GABRA1: variants seen among roughly 807,000 people sequenced by gnomAD.
The protein encoded by GABRA1 is gamma-aminobutyric acid receptor subunit alpha-1.
GABRA1 carries 9 observed loss-of-function variants against 48.9 expected under a neutral mutation model. That is an observed-to-expected ratio of 0.18 (90% CI 0.11 to 0.32). GABRA1 has a LOEUF of 0.32. GABRA1 is among the 10% of genes least tolerant of loss of function. The pLI, the probability that GABRA1 is intolerant of heterozygous loss-of-function variation, is 1.00. For missense variants in GABRA1, 285 were observed against 553.8 expected (o/e 0.51, Z 4.87); for synonymous variants, 210 against 198.7 (o/e 1.06, Z -0.48).
At chr5:161,887,789 A>G (rs533336510) in intron 7 of GABRA1, among the ~76,000 whole-genome samples, 1 of 152,246 alleles carries the variant, frequency 6.6e-6, no homozygotes, top group South Asian at 2.1e-4. Context: ...TAATCTTCAT[A>G]CTGTAAATGT....
chr5:161,894,095 G>C (rs1303964036), intron 8 of GABRA1, among the ~76,000 whole-genome samples: 8 of 152,112 alleles, frequency 5.3e-5, no homozygotes, highest in South Asian at 2.1e-4. Flanking sequence ...AAGGACTAAA[G>C]TTGTCAATTA....
chr5:161,891,939 A>C (rs981024523), intron 8 of GABRA1, among the ~76,000 whole-genome samples: 7 of 152,190 alleles, frequency 4.6e-5, no homozygotes, highest in Non-Finnish European at 8.8e-5. Context: ...CTTAACTATA[A>C]AACAAATTCT....
intron 7 of GABRA1, among the ~76,000 whole-genome samples, chr5:161,885,720 A>T (rs897057227): frequency 2.0e-5 from 3 of 152,214 alleles, no homozygotes; most frequent in Non-Finnish European, 4.4e-5. Context: ...AAGAATATTT[A>T]GTTACAGCCT....
rs1325727344 is a variant in GABRA1, at chr5:161,898,646, C to G, written c.*1224C>G. The stretch of plus-strand genomic sequence containing the variant: ...GTAGACAAAACTTATAATTTCCAAA[C>G]TGTTGTCTAGTATACAGTGATCAGT... On this transcript the variant is annotated 3_prime_UTR_variant, in exon 10 of 10. Transcript: ENST00000393943. 1 of 152,516 alleles carries G rather than the reference C, an allele frequency of 6.6e-6. No homozygotes were observed. The highest frequency in any genetic ancestry group is 2.4e-5 in the African/African-American group (1 of 41,552). The allele number at this position is 152,516 out of a possible 1,614,324, so 9.4% of individuals were successfully genotyped here. A position where few individuals can be genotyped will look rare whatever the true frequency, so the allele number is the denominator to read the frequency against.
Position 161,873,461 on chromosome 5 carries a change from T to A in GABRA1, c.476+124T>A, listed in dbSNP as rs1293091451. The A allele has an allele frequency of 7.5e-6, 6 of 795,706 alleles. No individual in the cohort carries two copies. The East Asian group carries it at 1.6e-4, about 21-fold the overall frequency. The allele number at this position is 795,706 out of a possible 1,614,324, so 49.3% of individuals were successfully genotyped here. A position where few individuals can be genotyped will look rare whatever the true frequency, so the allele number is the denominator to read the frequency against. On this transcript the variant is annotated intron_variant, in intron 5 of 9. Coordinates refer to ENST00000393943, the MANE Select transcript of GABRA1 (RefSeq NM_001127644.2). ...CTTCCTTGTTTTTCAACCTTAACAA[T>A]CTTAAAAATCTCTCCAACCTGTTCT...
intron 3 of GABRA1, among the ~76,000 whole-genome samples, chr5:161,855,313 A>G (rs552691123): frequency 1.3e-5 from 2 of 151,764 alleles, no homozygotes; most frequent in African/African-American, 4.8e-5. Flanking sequence ...TATTTTGCAC[A>G]GTATAATGAC....
rs5872733 is a variant in GABRA1 at position 161,893,048 on chromosome 5, T to TAATAATAA, written c.856+2000_856+2001insTAATAAAA. Reference sequence around the variant, plus strand: ...ATAATAATAATAATAATAATAATAATAAAATAAACACAGGACATATTTATG... The same window carrying TAATAATAA: ...ATAATAATAATAATAATAATAATAATAATAATAAAAAATAAACACAGGACATATTTATG... On this transcript the variant is annotated intron_variant, in intron 8 of 9. Transcript: ENST00000393943. 2.5e-4 allele frequency among the ~76,000 whole-genome samples: 35 copies of TAATAATAA among 142,010 alleles called. 1 individual carries two copies. Among genetic ancestry groups the TAATAATAA allele is most frequent in the African/African-American group, 4.2e-4 (16 of 38,168 alleles). The allele number at this position is 142,010 out of a possible 152,430, so 93.2% of individuals were successfully genotyped here. A position where few individuals can be genotyped will look rare whatever the true frequency, so the allele number is the denominator to read the frequency against.
Position 161,863,751 on chromosome 5 carries a change from C to CT in GABRA1, c.188-1960dup, listed in dbSNP as rs113936281. On this transcript the variant is annotated intron_variant, in intron 3 of 9. Coordinates refer to ENST00000393943, the MANE Select transcript of GABRA1 (RefSeq NM_001127644.2). Reference sequence around the variant, plus strand: ...AGTTTTTTAAACTTATATTTTGAAGCTTTTTTTTTTCTAACAACATAATGT... The same window carrying CT: ...AGTTTTTTAAACTTATATTTTGAAGCTTTTTTTTTTTCTAACAACATAATGT... 5.8e-3 allele frequency among the ~76,000 whole-genome samples: 861 copies of CT among 148,644 alleles called. 5 individuals are homozygous for CT. The highest frequency in any genetic ancestry group is 0.019 in the African/African-American group (765 of 40,546).
intron 3 of GABRA1, among the ~76,000 whole-genome samples, chr5:161,855,038 G>A (rs1369641946): frequency 1.3e-5 from 2 of 151,394 alleles, no homozygotes; most frequent in African/African-American, 2.4e-5. Flanking sequence ...AGTGAAGCAA[G>A]GAAATAAATT....
At chr5:161,891,202 G>T in intron 8 of GABRA1, 152 bp downstream of exon 8, 1 of 737,380 alleles carries the variant, frequency 1.4e-6, no homozygotes, top group Admixed American at 2.4e-5. Context: ...CTCTCATTAT[G>T]GTATATATTT....
chr5:161,864,091 T>G (rs1757962593), intron 3 of GABRA1, among the ~76,000 whole-genome samples: 1 of 151,934 alleles, frequency 6.6e-6, no homozygotes. Flanking sequence ...TAAGGAGGGG[T>G]TTATTTTCAT....
chr5:161,883,692 G>A (rs1754714538), intron 7 of GABRA1, among the ~76,000 whole-genome samples: 1 of 151,990 alleles, frequency 6.6e-6, no homozygotes, highest in South Asian at 2.1e-4. Context: ...AATAAGAGGA[G>A]TGGTGATAAA....
intron 4 of GABRA1, among the ~76,000 whole-genome samples, chr5:161,871,295 A>G (rs895633723): frequency 2.0e-5 from 3 of 152,276 alleles, no homozygotes; most frequent in African/African-American, 7.2e-5. Context: ...GGTCACCTTC[A>G]GCATCCTTGG....
chr5:161,862,496 A>T (rs1469447997), intron 3 of GABRA1, among the ~76,000 whole-genome samples: 1 of 151,572 alleles, frequency 6.6e-6, no homozygotes, highest in Non-Finnish European at 1.5e-5. Flanking sequence ...TTCAAATGAC[A>T]TTTTTTCAGA....
chr5:161,877,728 G>A (rs906905527), intron 6 of GABRA1, among the ~76,000 whole-genome samples: 20 of 152,206 alleles, frequency 1.3e-4, no homozygotes, highest in Non-Finnish European at 2.8e-4. Flanking sequence ...ATTTTAAGAA[G>A]AGGTAAATGT....
chr5:161,884,965 G>T (rs912503847), intron 7 of GABRA1, among the ~76,000 whole-genome samples: 1 of 152,092 alleles, frequency 6.6e-6, no homozygotes, highest in Non-Finnish European at 1.5e-5. Context: ...GAAAAAATAC[G>T]CAGTCATTTA....
chr5:161,860,281 T>C lies in GABRA1; in HGVS notation c.188-5440T>C, dbSNP rs374848877. Among the ~76,000 whole-genome samples, 17 of 151,970 alleles carry C rather than the reference T, an allele frequency of 1.1e-4. No homozygotes were observed. In the East Asian group the frequency reaches 2.9e-3, roughly 26 times the overall value. On this transcript the variant is annotated intron_variant, in intron 3 of 9. Transcript: ENST00000393943. ...TCTTTTCTGTGGTATATAAACTATC[T>C]ACCTGATCAGTGCCAATATTTTCCT...
At chr5:161,896,882 T>G (rs565742725) in intron 9 of GABRA1, among the ~76,000 whole-genome samples, 1 of 152,210 alleles carries the variant, frequency 6.6e-6, no homozygotes, top group Admixed American at 6.5e-5. Flanking sequence ...AGTGGTAACA[T>G]CTACCTTATT....
chr5:161,876,571 C>T (rs192940520), intron 6 of GABRA1, among the ~76,000 whole-genome samples: 1 of 152,202 alleles, frequency 6.6e-6, no homozygotes, highest in East Asian at 1.9e-4. Flanking sequence ...AGCAAAAGGC[C>T]TTCGGGCTCC....
Sources: gnomAD v4.1 joint callset for allele counts (sites outside exome capture counted in the v4.1 genomes callset) on GRCh38, gnomAD v4.1.1 for gene constraint, MANE v1.5 for transcripts, NCBI Gene and HGNC (gene_info 2026-07-23, HGNC 2026-07-21) for gene names.